LRRC49: variants seen among roughly 807,000 people sequenced by gnomAD.
The protein encoded by LRRC49 is leucine-rich repeat-containing protein 49.
In LRRC49, 50 loss-of-function variants were observed where a neutral mutation model predicts 83.3. That is an observed-to-expected ratio of 0.60 (90% CI 0.48 to 0.76). LRRC49 has a LOEUF of 0.76. Ranked by LOEUF, LRRC49 falls within the 30% of genes least tolerant of loss-of-function variation. The probability of loss-of-function intolerance (pLI) is 0.00; values close to 1 mark genes in which losing one functional copy is unlikely to be tolerated. For missense variants in LRRC49, 704 were observed against 809.1 expected, an observed-to-expected ratio of 0.87 and a Z score of 1.58; for synonymous variants, 286 against 283.3, an observed-to-expected ratio of 1.01 and a Z score of -0.10.
chr15:70,943,940 C>G (rs2035913987), intron 8 of LRRC49, among the ~76,000 whole-genome samples: 1 of 152,196 alleles, frequency 6.6e-6, no homozygotes, highest in East Asian at 1.9e-4. Flanking sequence ...CTCTCCAGCC[C>G]CACTGGAGCC....
chr15:70,871,855 G>A (rs542456318), intron 1 of LRRC49, among the ~76,000 whole-genome samples: 1 of 150,654 alleles, frequency 6.6e-6, no homozygotes, highest in Non-Finnish European at 1.5e-5. Flanking sequence ...GGGCAGAGAC[G>A]CTCCTCACTT....
intron 1 of LRRC49, among the ~76,000 whole-genome samples, chr15:70,863,279 A>G (rs2032834219): frequency 6.6e-6 from 1 of 152,232 alleles, no homozygotes; most frequent in South Asian, 2.1e-4. Flanking sequence ...TGTGTATTTA[A>G]TAATCTCCCA....
intron 4 of LRRC49, among the ~76,000 whole-genome samples, chr15:70,902,176 G>A (rs149553775): frequency 3.3e-5 from 5 of 152,096 alleles, no homozygotes; most frequent in Non-Finnish European, 7.4e-5. Flanking sequence ...ATGTTTTGAG[G>A]GATTTTTTTG....
chr15:70,882,037 C>T (rs2033276144), intron 2 of LRRC49: 1 of 158,336 alleles, frequency 6.3e-6, no homozygotes. Context: ...GCTGTGCTCA[C>T]TGTTACTGTG....
At position 70,898,824 on chromosome 15, in the gene LRRC49, T is replaced by C. The variant is rs564970781; in HGVS notation, c.194-2098T>C. The stretch of plus-strand genomic sequence containing the variant: ...AAAAAGGAAATAAACAGTAACAAAC[T>C]GTTATGATGAAAATTTTGCCACATA... On this transcript the variant is annotated intron_variant, in intron 3 of 15. Transcript: ENST00000260382. Among the ~76,000 whole-genome samples, 6 of 152,114 alleles carry C rather than the reference T, an allele frequency of 3.9e-5. No individual in the cohort carries two copies. The South Asian group carries it at 1.2e-3, about 32-fold the overall frequency.
At chr15:70,986,877 C>T (rs1362654084) in intron 11 of LRRC49, among the ~76,000 whole-genome samples, 5 of 152,164 alleles carry the variant, frequency 3.3e-5, no homozygotes, top group Non-Finnish European at 7.3e-5. Flanking sequence ...GCCTTTTCTG[C>T]ATCTATTGAG....
chr15:70,893,488 T>C (rs2033677640), intron 1 of LRRC49, 96 bp from the exon 2 acceptor site: 1 of 743,534 alleles, frequency 1.3e-6, no homozygotes, highest in South Asian at 1.6e-5. Context: ...TTGTGTTCTA[T>C]TTTTTTGTTG....
At chr15:70,971,685 GTTC>G (rs1453647074) in intron 9 of LRRC49, among the ~76,000 whole-genome samples, 3 of 151,500 alleles carry the variant, frequency 2.0e-5, no homozygotes, top group East Asian at 1.9e-4. Flanking sequence ...AGGATGGTTA[GTTC>G]TTCTTATTGC....
chr15:70,998,567 TG>T (rs2038152358), intron 11 of LRRC49, among the ~76,000 whole-genome samples: 1 of 152,138 alleles, frequency 6.6e-6, no homozygotes, highest in Non-Finnish European at 1.5e-5. Context: ...GAGGATCCCT[TG>T]TCCATTATGA....
At chr15:70,983,200 T>C (rs1196072745) in intron 10 of LRRC49, among the ~76,000 whole-genome samples, 1 of 152,162 alleles carries the variant, frequency 6.6e-6, no homozygotes, top group Non-Finnish European at 1.5e-5. Flanking sequence ...ATATATAAAT[T>C]GAATAGAAAC....
At chr15:70,997,279 AAATG>A (rs1258755611) in intron 11 of LRRC49, among the ~76,000 whole-genome samples, 2 of 152,152 alleles carry the variant, frequency 1.3e-5, no homozygotes, top group Non-Finnish European at 2.9e-5. Context: ...TTTCAATATA[AAATG>A]TTCTTCCTTG....
At chr15:70,988,034 C>G (rs1295072333) in intron 11 of LRRC49, among the ~76,000 whole-genome samples, 1 of 151,546 alleles carries the variant, frequency 6.6e-6, no homozygotes, top group Non-Finnish European at 1.5e-5. Context: ...TTTACATTTG[C>G]TGAGGAGAGC....
At chr15:70,858,385 C>T (rs977395729) in intron 1 of LRRC49, among the ~76,000 whole-genome samples, 6 of 152,234 alleles carry the variant, frequency 3.9e-5, no homozygotes, top group Admixed American at 2.0e-4. Context: ...GCAAATCACT[C>T]GAGGTCAGGA....
At position 70,936,830 on chromosome 15, in the gene LRRC49, G is replaced by C; in HGVS notation, c.773+8G>C. 1 of 1,589,064 alleles carries C rather than the reference G, an allele frequency of 6.3e-7. No homozygotes were observed. The highest frequency in any genetic ancestry group is 8.6e-7 in the Non-Finnish European group (1 of 1,158,172). ...CTTTAACAATATATCTAGGTAAGTGGAAACTCCCAAGTTGTCATTCATTAT... is the reference window on the plus strand; with the variant it reads ...CTTTAACAATATATCTAGGTAAGTGCAAACTCCCAAGTTGTCATTCATTAT... On this transcript the variant is annotated splice_region_variant and intron_variant, in intron 8 of 15. Coordinates refer to ENST00000260382, the MANE Select transcript of LRRC49 (RefSeq NM_017691.5).
chr15:70,867,968 C>T (rs186989190), intron 1 of LRRC49, among the ~76,000 whole-genome samples: 22 of 152,192 alleles, frequency 1.4e-4, no homozygotes, highest in African/African-American at 4.8e-4. Context: ...GCAGATGCTC[C>T]GGCAGCTCCG....
intron 4 of LRRC49, among the ~76,000 whole-genome samples, chr15:70,901,640 T>C (rs527538966): frequency 3.9e-5 from 6 of 152,338 alleles, no homozygotes; most frequent in Non-Finnish European, 7.4e-5. Flanking sequence ...CCCCCTTCTC[T>C]GCTTTCATTA....
chr15:71,003,697 C>T (rs1379212514), intron 11 of LRRC49, among the ~76,000 whole-genome samples: 1 of 152,136 alleles, frequency 6.6e-6, no homozygotes, highest in Non-Finnish European at 1.5e-5. Context: ...TTCACAACAA[C>T]TCTGAAAATA....
intron 6 of LRRC49, among the ~76,000 whole-genome samples, chr15:70,917,505 T>C (rs2034831696): frequency 6.6e-6 from 1 of 152,156 alleles, no homozygotes; most frequent in South Asian, 2.1e-4. Context: ...TGTAGAGACA[T>C]TGGGATGACC....
chr15:70,983,493 A>G (rs2037479836), intron 10 of LRRC49, among the ~76,000 whole-genome samples: 1 of 151,988 alleles, frequency 6.6e-6, no homozygotes, highest in South Asian at 2.1e-4. Context: ...TTTCTTTCCT[A>G]CTCATCTGGA....
Sources: gnomAD v4.1 joint callset for allele counts (sites outside exome capture counted in the v4.1 genomes callset) on GRCh38, gnomAD v4.1.1 for gene constraint, MANE v1.5 for transcripts, NCBI Gene and HGNC (gene_info 2026-07-23, HGNC 2026-07-21) for gene names.